Variants in PUM1 observed in about 807,000 individuals in gnomAD.
PUM1 encodes pumilio RNA binding family member 1, also known as pumilio homolog 1.
In PUM1, 13 loss-of-function variants were observed where a neutral mutation model predicts 131.8. That is an observed-to-expected ratio of 0.10 (90% CI 0.06 to 0.16). The LOEUF (loss-of-function observed/expected upper bound fraction) is 0.16. PUM1 is among the 10% of genes least tolerant of loss of function. PUM1 has a pLI of 1.00. For missense variants in PUM1, 961 were observed against 1,512.4 expected (o/e 0.64, Z 6.05); for synonymous variants, 509 against 556.5 (o/e 0.91, Z 1.20).
At chr1:31,062,130 T>C (rs1168109069) in intron 1 of PUM1, among the ~76,000 whole-genome samples, 1 of 152,196 alleles carries the variant, frequency 6.6e-6, no homozygotes, top group Non-Finnish European at 1.5e-5. Context: ...CAAACCCTAA[T>C]CGTTCCCAAG....
intron 3 of PUM1, among the ~76,000 whole-genome samples, chr1:31,009,522 T>G (rs1352866036): frequency 6.6e-6 from 1 of 151,860 alleles, no homozygotes; most frequent in Non-Finnish European, 1.5e-5. Context: ...TCCCAGCACC[T>G]TGGGAGGCTG....
chr1:30,968,430 T>C lies in PUM1; in HGVS notation c.1569A>G (p.Gln523=), dbSNP rs1290785498. The C allele has an allele frequency of 2.5e-6, 4 of 1,601,218 alleles. No individual in the cohort carries two copies. Among genetic ancestry groups the C allele is most frequent in the Non-Finnish European group, 3.4e-6 (4 of 1,175,844 alleles). The part of the protein sequence containing the change: ...LTPNQNQQGQ[Q]TDPLVAAAAV... ...CTGCAGCTGCCACAAGGGGATCCGT[T>C]TGCTGTCCCTGCTGGTTCTGGTTTG... The change falls in exon 11 of 22, where the codon CAA becomes CAG. Residue 523 remains glutamine, a synonymous_variant. Coordinates refer to ENST00000426105, the MANE Select transcript of PUM1 (RefSeq NM_001020658.2).
chr1:30,952,683 CGGGGGGGG>C (rs1233416238), intron 15 of PUM1, among the ~76,000 whole-genome samples: 2 of 41,786 alleles, frequency 4.8e-5, no homozygotes, highest in African/African-American at 2.0e-4. Context: ...GCGGGGGGGG[CGGGGGGGG>C]GGCGGGAGGG....
At chr1:30,992,771 A>C in intron 6 of PUM1, 111 bp from the exon 7 acceptor site, 1 of 909,262 alleles carries the variant, frequency 1.1e-6, no homozygotes, top group East Asian at 2.5e-5. Context: ...ACAGTATTTA[A>C]AACTATTTCT....
intron 4 of PUM1, among the ~76,000 whole-genome samples, chr1:31,006,603 A>G (rs1230673199): frequency 6.6e-6 from 1 of 152,136 alleles, no homozygotes; most frequent in African/African-American, 2.4e-5. Flanking sequence ...TTTGGTCCCA[A>G]TCACGTTTAA....
At chr1:31,049,096 T>A (rs190082511) in intron 2 of PUM1, among the ~76,000 whole-genome samples, 94 of 151,948 alleles carry the variant, frequency 6.2e-4, no homozygotes, top group African/African-American at 2.1e-3. Context: ...TCCCAGCTAC[T>A]CAGGAGGCTG....
chr1:30,984,781 TA>T (rs1641482114), intron 7 of PUM1, among the ~76,000 whole-genome samples: 1 of 152,232 alleles, frequency 6.6e-6, no homozygotes, highest in Non-Finnish European at 1.5e-5. Context: ...TGGCATCTTA[TA>T]AAAGATAGCT....
intron 2 of PUM1, among the ~76,000 whole-genome samples, chr1:31,056,339 G>A (rs1209895149): frequency 6.6e-6 from 1 of 152,098 alleles, no homozygotes; most frequent in Non-Finnish European, 1.5e-5. Context: ...GGAGTGCAAT[G>A]GTGTGATCTC....
intron 3 of PUM1, among the ~76,000 whole-genome samples, chr1:31,021,610 A>G (rs984016529): frequency 8.5e-5 from 13 of 152,208 alleles, no homozygotes; most frequent in Admixed American, 7.2e-4. Context: ...CTGGGCCATG[A>G]TTGTTGAAAC....
chr1:31,011,306 A>G (rs190631936), intron 3 of PUM1, among the ~76,000 whole-genome samples: 156 of 152,300 alleles, frequency 1.0e-3, no homozygotes, highest in Non-Finnish European at 2.0e-3. Flanking sequence ...ACACTTCTTT[A>G]GGAGTCTGTT....
intron 20 of PUM1, among the ~76,000 whole-genome samples, chr1:30,940,646 A>G (rs548374195): frequency 1.2e-4 from 19 of 152,346 alleles, no homozygotes; most frequent in Admixed American, 7.8e-4. Context: ...TCCACATGGA[A>G]GGGCCATTGA....
chr1:30,958,789 A>T (rs956058476), intron 14 of PUM1, among the ~76,000 whole-genome samples: 3 of 152,216 alleles, frequency 2.0e-5, no homozygotes, highest in Non-Finnish European at 4.4e-5. Flanking sequence ...CTAGTTGTTA[A>T]GAAAATTCAT....
At chr1:30,999,993 T>C (rs1184506978) in intron 5 of PUM1, among the ~76,000 whole-genome samples, 1 of 152,178 alleles carries the variant, frequency 6.6e-6, no homozygotes, top group Non-Finnish European at 1.5e-5. Context: ...GTTCTATGAT[T>C]AGGGTTAGGC....
intron 6 of PUM1, among the ~76,000 whole-genome samples, chr1:30,993,064 G>T (rs1449514178): frequency 6.6e-6 from 1 of 152,060 alleles, no homozygotes; most frequent in African/African-American, 2.4e-5. Flanking sequence ...GGTTTCTGGG[G>T]GAAATTCCAC....
chr1:30,984,850 C>CT (rs34410065), intron 7 of PUM1, among the ~76,000 whole-genome samples: 9 of 151,378 alleles, frequency 5.9e-5, no homozygotes, highest in Middle Eastern at 3.4e-3. Flanking sequence ...AAAATTATGG[C>CT]TTTTTTTTTC....
At chr1:31,003,956 A>G (rs1429087878) in intron 5 of PUM1, among the ~76,000 whole-genome samples, 3 of 152,210 alleles carry the variant, frequency 2.0e-5, no homozygotes, top group Non-Finnish European at 4.4e-5. Context: ...ACAGATTTGG[A>G]GAATTTTCAT....
intron 2 of PUM1, chr1:31,055,305 T>G: frequency 2.2e-6 from 1 of 455,702 alleles, no homozygotes; most frequent in South Asian, 1.6e-5. Context: ...TAAGACCCAC[T>G]CCTTTACCTG....
At chr1:30,990,705 T>C (rs1177168798) in intron 7 of PUM1, among the ~76,000 whole-genome samples, 2 of 152,106 alleles carry the variant, frequency 1.3e-5, no homozygotes, top group African/African-American at 4.8e-5. Flanking sequence ...CAGAAAAGAA[T>C]TATGGCCCAT....
chr1:30,956,257 T>G (rs1463069918), intron 14 of PUM1, among the ~76,000 whole-genome samples: 1 of 152,112 alleles, frequency 6.6e-6, no homozygotes, highest in Non-Finnish European at 1.5e-5. Context: ...GACTGTTTTT[T>G]TTTGTTTTGT....
Sources: gnomAD v4.1 joint callset for allele counts (sites outside exome capture counted in the v4.1 genomes callset) on GRCh38, gnomAD v4.1.1 for gene constraint, MANE v1.5 for transcripts, NCBI Gene and HGNC (gene_info 2026-07-23, HGNC 2026-07-21) for gene names.